The following UTRN variants were observed in gnomAD, a reference collection of about 807,000 sequenced individuals.
UTRN encodes the protein dystrophin-related protein 1.
UTRN carries 283 observed loss-of-function variants against 463.9 expected under a neutral mutation model. The observed-to-expected ratio is 0.61, with a 90% CI of 0.55 to 0.67. The LOEUF (loss-of-function observed/expected upper bound fraction) is 0.67. UTRN is among the 30% of genes least tolerant of loss of function. The pLI is 0.00. For synonymous variants in UTRN, 1,442 were observed against 1,431.5 expected (o/e 1.01, Z -0.17); for missense variants, 3,922 against 4,084.3 (o/e 0.96, Z 1.08).
chr6:144,587,131 T>C (rs1802541234), intron 51 of UTRN, among the ~76,000 whole-genome samples: 1 of 152,214 alleles, frequency 6.6e-6, no homozygotes, highest in African/African-American at 2.4e-5. Context: ...CTATGTGGTA[T>C]ACACAACACG....
At chr6:144,820,058 C>G (rs1009711540) in intron 65 of UTRN, among the ~76,000 whole-genome samples, 1 of 150,480 alleles carries the variant, frequency 6.6e-6, no homozygotes, top group African/African-American at 2.4e-5. Flanking sequence ...AATGCATCTT[C>G]GGAAGGATCA....
chr6:144,836,370 G>A lies in UTRN; in HGVS notation c.9894G>A (p.Pro3298=), dbSNP rs989518527. ...GAAGGGGGCTCCCTGTCGGTTCACC[G>A]CCAGAGTCGATTATATCTCCCCATC... is the stretch of plus-strand genomic sequence containing the variant. ...HLRRGLPVGS[P]PESIISPHHT... The change falls in exon 71 of 75, where the codon CCG becomes CCA. Residue 3298 remains proline (P), a synonymous_variant. Coordinates refer to ENST00000367545, the MANE Select transcript of UTRN (RefSeq NM_007124.3). 10 of 1,614,070 alleles carry A rather than the reference G, an allele frequency of 6.2e-6. No individual in the cohort carries two copies. Among genetic ancestry groups the A allele is most frequent in the East Asian group, 4.5e-5 (2 of 44,870 alleles).
chr6:144,554,684 TCA>T lies in UTRN; in HGVS notation c.6929-3_6929-2del. 1 of 1,613,872 alleles carries T rather than the reference TCA, an allele frequency of 6.2e-7. No homozygotes were observed. The highest frequency in any genetic ancestry group is 8.5e-7 in the Non-Finnish European group (1 of 1,179,924). On this transcript the variant is annotated splice_acceptor_variant and splice_polypyrimidine_tract_variant and intron_variant, in intron 48 of 74. Coordinates refer to ENST00000367545, the MANE Select transcript of UTRN (RefSeq NM_007124.3). LOFTEE classifies it high-confidence loss of function. Reference sequence around the variant, plus strand: ...TTTTTTTTCTTTTATAATGCTACCCTCAGTGGAAAGGGTCAAGAACCAGTGGG... The same window carrying T: ...TTTTTTTTCTTTTATAATGCTACCCTGTGGAAAGGGTCAAGAACCAGTGGG...
intron 19 of UTRN, among the ~76,000 whole-genome samples, chr6:144,455,424 A>T (rs1788719349): frequency 6.6e-6 from 1 of 152,192 alleles, no homozygotes; most frequent in Non-Finnish European, 1.5e-5. Flanking sequence ...ATTATAATGC[A>T]TTGGATGTTG....
chr6:144,654,943 G>C (rs1319767806), intron 51 of UTRN, among the ~76,000 whole-genome samples: 1 of 136,172 alleles, frequency 7.3e-6, no homozygotes, highest in Non-Finnish European at 1.6e-5. Flanking sequence ...AGAAGAAAAA[G>C]CTCTTTGAGC....
chr6:144,782,626 GTA>G (rs949125195), intron 61 of UTRN, among the ~76,000 whole-genome samples: 14 of 136,628 alleles, frequency 1.0e-4, no homozygotes, highest in African/African-American at 3.7e-4. Flanking sequence ...ATGTGTGTGT[GTA>G]TATATATATA....
At chr6:144,586,294 T>G (rs1347277021) in intron 51 of UTRN, among the ~76,000 whole-genome samples, 6 of 152,106 alleles carry the variant, frequency 3.9e-5, no homozygotes, top group Non-Finnish European at 7.4e-5. Context: ...TCACGTGTAT[T>G]TTTTGCCTTT....
At chr6:144,762,308 G>A (rs768843512) in intron 58 of UTRN, among the ~76,000 whole-genome samples, 7 of 152,038 alleles carry the variant, frequency 4.6e-5, no homozygotes, top group Non-Finnish European at 1.0e-4. Flanking sequence ...GTCAGAGGAC[G>A]GAAGTTTTTA....
intron 2 of UTRN, among the ~76,000 whole-genome samples, chr6:144,324,927 G>A (rs556310657): frequency 1.3e-5 from 2 of 152,290 alleles, no homozygotes; most frequent in East Asian, 3.9e-4. Flanking sequence ...AGTGGGAGAA[G>A]TTTGAAGCTG....
At chr6:144,351,012 A>G (rs1778061313) in intron 2 of UTRN, among the ~76,000 whole-genome samples, 1 of 152,136 alleles carries the variant, frequency 6.6e-6, no homozygotes, top group African/African-American at 2.4e-5. Context: ...CTGATAAATT[A>G]TTTCCATATG....
intron 51 of UTRN, among the ~76,000 whole-genome samples, chr6:144,645,911 T>G (rs1026076827): frequency 1.3e-5 from 2 of 152,180 alleles, no homozygotes; most frequent in Admixed American, 1.3e-4. Flanking sequence ...CAGTGGTCCA[T>G]CACATTGAAT....
At chr6:144,766,369 C>T (rs947930271) in intron 58 of UTRN, among the ~76,000 whole-genome samples, 9 of 152,020 alleles carry the variant, frequency 5.9e-5, no homozygotes, top group Admixed American at 2.0e-4. Flanking sequence ...AATGCAAAAT[C>T]GATTAGTTGG....
chr6:144,630,144 C>T (rs1312642789), intron 51 of UTRN, among the ~76,000 whole-genome samples: 2 of 152,058 alleles, frequency 1.3e-5, no homozygotes, highest in Non-Finnish European at 1.5e-5. Flanking sequence ...GCCGAGATCT[C>T]GCCACTGCAC....
intron 64 of UTRN, among the ~76,000 whole-genome samples, chr6:144,802,385 A>AT (rs1243512703): frequency 6.6e-6 from 1 of 152,124 alleles, no homozygotes; most frequent in Non-Finnish European, 1.5e-5. Flanking sequence ...TGGTTCTATC[A>AT]TTTAATTTTT....
intron 3 of UTRN, among the ~76,000 whole-genome samples, chr6:144,407,415 A>AAT (rs1783516568): frequency 6.6e-6 from 1 of 152,190 alleles, no homozygotes; most frequent in Non-Finnish European, 1.5e-5. Flanking sequence ...CCTGGATATG[A>AAT]ATACAATGCA....
chr6:144,620,450 G>A (rs1296886468), intron 51 of UTRN, among the ~76,000 whole-genome samples: 1 of 151,012 alleles, frequency 6.6e-6, no homozygotes, highest in African/African-American at 2.4e-5. Context: ...TTGAAAAAAA[G>A]CATAGCTTCT....
At chr6:144,499,057 C>A (rs534932946) in intron 33 of UTRN, among the ~76,000 whole-genome samples, 200 bp from the exon 34 acceptor site, 1 of 152,216 alleles carries the variant, frequency 6.6e-6, no homozygotes, top group Admixed American at 6.5e-5. Flanking sequence ...CCAGGATTGC[C>A]TGGCACTTAA....
At chr6:144,497,154 G>T (rs1793728630) in intron 33 of UTRN, among the ~76,000 whole-genome samples, 1 of 152,194 alleles carries the variant, frequency 6.6e-6, no homozygotes. Flanking sequence ...ATTGGAGGGA[G>T]GCTGGAGTGG....
chr6:144,634,736 C>T (rs1387395999), intron 51 of UTRN, among the ~76,000 whole-genome samples: 1 of 152,034 alleles, frequency 6.6e-6, no homozygotes, highest in Non-Finnish European at 1.5e-5. Flanking sequence ...GTTTGCCATT[C>T]TGAGTATTTC....
Sources: gnomAD v4.1 joint callset for allele counts (sites outside exome capture counted in the v4.1 genomes callset) on GRCh38, gnomAD v4.1.1 for gene constraint, MANE v1.5 for transcripts, NCBI Gene and HGNC (gene_info 2026-07-23, HGNC 2026-07-21) for gene names.